The following NPHP1 variants were observed in gnomAD, a reference collection of about 807,000 sequenced individuals.
NPHP1 encodes nephrocystin 1, also known as nephrocystin-1.
In NPHP1, 70 loss-of-function variants were observed where a neutral mutation model predicts 90.4. The ratio of observed to expected loss-of-function variants is 0.77; its 90% confidence interval spans 0.64 to 0.95. The LOEUF (loss-of-function observed/expected upper bound fraction) is 0.95. Among genes scored for constraint, NPHP1 ranks in the 40% least tolerant of loss-of-function variants. NPHP1 has a pLI of 0.00. For missense variants in NPHP1, 764 were observed against 795.9 expected, an observed-to-expected ratio of 0.96 and a Z score of 0.48; for synonymous variants, 256 against 271.7, an observed-to-expected ratio of 0.94 and a Z score of 0.57.
At chr2:110,165,909 A>AATTGATACATATTGATTTATGTAT in intron 6 of NPHP1, among the ~76,000 whole-genome samples, 1 of 152,194 alleles carries the variant, frequency 6.6e-6, no homozygotes, top group Non-Finnish European at 1.5e-5. Context: ...AAGCACTCAC[A>AATTGATACATATTGATTTATGTAT]CAAATACATA....
At position 110,164,629 on chromosome 2, in the gene NPHP1, C is replaced by T. The variant is rs143174377; in HGVS notation, c.771+59G>A. 588 of 1,612,684 alleles carry T rather than the reference C, an allele frequency of 3.6e-4. 2 individuals carry two copies. The African/African-American group carries it at 7.1e-3, about 20-fold the overall frequency. ...GTCTTCCACAGTCTCCATCCTATTT[C>T]GCATCAGAACTATTAGGTAGCAAAA... On this transcript the variant is annotated intron_variant, in intron 8 of 19. Coordinates refer to ENST00000445609, the MANE Select transcript of NPHP1 (RefSeq NM_001128178.3).
chr2:110,163,872 G>C (rs1682526975), intron 8 of NPHP1: 1 of 154,482 alleles, frequency 6.5e-6, no homozygotes. Flanking sequence ...TGTTGACTAG[G>C]CTGGTCTTGA....
intron 3 of NPHP1, chr2:110,178,783 C>A: frequency 2.0e-6 from 1 of 492,144 alleles, no homozygotes. Context: ...TATTTTCTTG[C>A]TAAGTATTAT....
At chr2:110,194,857 G>A (rs1481078943) in intron 2 of NPHP1, among the ~76,000 whole-genome samples, 5 of 152,042 alleles carry the variant, frequency 3.3e-5, no homozygotes, top group Admixed American at 1.3e-4. Context: ...TTCAACATAC[G>A]CAAGTCAATA....
intron 2 of NPHP1, chr2:110,185,015 C>A (rs887042084): frequency 9.8e-6 from 6 of 610,924 alleles, no homozygotes; most frequent in Middle Eastern, 3.8e-4. Context: ...TGGTGACAGG[C>A]TACTGAGTGA....
intron 15 of NPHP1, chr2:110,144,280 CATG>C: frequency 1.8e-6 from 1 of 557,892 alleles, no homozygotes; most frequent in Non-Finnish European, 3.2e-6. Flanking sequence ...TCTCATTCTT[CATG>C]ATTTCATTCT....
intron 2 of NPHP1, among the ~76,000 whole-genome samples, chr2:110,188,459 G>C (rs1341664592): frequency 6.6e-6 from 1 of 152,084 alleles, no homozygotes; most frequent in African/African-American, 2.4e-5. Flanking sequence ...AACAAAGAAA[G>C]TGAGAGGGAC....
chr2:110,136,015 A>G (rs891814074), intron 16 of NPHP1, among the ~76,000 whole-genome samples: 1 of 152,190 alleles, frequency 6.6e-6, no homozygotes, highest in Non-Finnish European at 1.5e-5. Context: ...AGACTGGTTC[A>G]ACATATGCAA....
intron 17 of NPHP1, 40 bp from the exon 18 acceptor site, chr2:110,129,299 C>A: frequency 1.4e-6 from 2 of 1,447,982 alleles, no homozygotes; most frequent in South Asian, 2.3e-5. Flanking sequence ...ATGCAAACTT[C>A]ACTCAATGGA....
intron 18 of NPHP1, chr2:110,126,567 T>A (rs1574050645): frequency 6.5e-6 from 1 of 152,742 alleles, no homozygotes; most frequent in Non-Finnish European, 1.5e-5. Flanking sequence ...CCCTATTAAC[T>A]GCTGTGCTAT....
intron 16 of NPHP1, among the ~76,000 whole-genome samples, chr2:110,134,859 G>T (rs1017043049): frequency 2.0e-5 from 3 of 151,744 alleles, no homozygotes; most frequent in African/African-American, 7.3e-5. Context: ...TATATGAAAA[G>T]CCCACAGCTA....
At chr2:110,198,676 A>G (rs896171295) in intron 2 of NPHP1, among the ~76,000 whole-genome samples, 1 of 152,136 alleles carries the variant, frequency 6.6e-6, no homozygotes, top group African/African-American at 2.4e-5. Flanking sequence ...CCAGGGTTAG[A>G]GCCGGCCCTA....
intron 15 of NPHP1, chr2:110,144,231 T>C: frequency 2.1e-6 from 1 of 469,548 alleles, no homozygotes; most frequent in South Asian, 2.4e-5. Flanking sequence ...GTCACAAGTA[T>C]CAGTTCAGTG....
chr2:110,169,955 C>G lies in NPHP1; in HGVS notation c.373G>C (p.Asp125His). Residue 125 changes from aspartate to histidine, a missense_variant, in exon 5 of 20, where the codon GAT becomes CAT. Transcript: ENST00000445609. ...TCCTCCCCACCACTGTCTTCACTAT[C>G]TTCACTTTCACTTTCTTCCTCTTCT... ...TEEEEESESE[D>H]SEDSGGEEED... is the part of the protein sequence containing the mutation. 1 of 1,609,024 alleles carries G rather than the reference C, an allele frequency of 6.2e-7. No homozygotes were observed. Among genetic ancestry groups the G allele is most frequent in the Non-Finnish European group, 8.5e-7 (1 of 1,175,492 alleles).
At chr2:110,161,815 AAG>A (rs2104549176) in intron 9 of NPHP1, 118 bp from the exon 10 acceptor site, 1 of 688,118 alleles carries the variant, frequency 1.5e-6, no homozygotes, top group Non-Finnish European at 2.6e-6. Context: ...GCTGCTTACT[AAG>A]AACTTGCTTT....
At chr2:110,137,122 T>C (rs1415862246) in intron 16 of NPHP1, among the ~76,000 whole-genome samples, 1 of 152,112 alleles carries the variant, frequency 6.6e-6, no homozygotes, top group Non-Finnish European at 1.5e-5. Flanking sequence ...GCTAGCCATA[T>C]GTAGAAAGCT....
chr2:110,163,205 T>A, intron 8 of NPHP1, 70 bp from the exon 9 acceptor site: 1 of 1,105,656 alleles, frequency 9.0e-7, no homozygotes, highest in Non-Finnish European at 1.4e-6. Flanking sequence ...ACTTTATCAC[T>A]AGAGTAACTA....
chr2:110,192,195 G>A (rs1684803206), intron 2 of NPHP1, among the ~76,000 whole-genome samples: 2 of 152,112 alleles, frequency 1.3e-5, no homozygotes, highest in South Asian at 4.1e-4. Flanking sequence ...GGCTTCAGAT[G>A]ATCAAACTTC....
At position 110,169,905 on chromosome 2, in the gene NPHP1, T is replaced by C. The variant is rs1407282092; in HGVS notation, c.423A>G (p.Glu141=). The C allele has an allele frequency of 3.7e-6, 6 of 1,610,112 alleles. No individual in the cohort carries two copies. In the African/African-American group the frequency reaches 8.0e-5, roughly 22 times the overall value. The change falls in exon 5 of 20, where the codon GAA becomes GAG. Residue 141 remains glutamate (E), a synonymous_variant. Coordinates refer to ENST00000445609, the MANE Select transcript of NPHP1 (RefSeq NM_001128178.3). Reference sequence around the variant, plus strand: ...TGTGAGATTCATTTTCCTCTTTCTCTTCCTCTTCCTCCTCTGCATCTTCTT... The same window carrying C: ...TGTGAGATTCATTTTCCTCTTTCTCCTCCTCTTCCTCCTCTGCATCTTCTT... ...GEEEDAEEEE[E]EKEENESHKW...
Sources: gnomAD v4.1 joint callset for allele counts (sites outside exome capture counted in the v4.1 genomes callset) on GRCh38, gnomAD v4.1.1 for gene constraint, MANE v1.5 for transcripts, NCBI Gene and HGNC (gene_info 2026-07-23, HGNC 2026-07-21) for gene names.